The following PTPRB variants were observed in gnomAD, a reference collection of about 807,000 sequenced individuals.
The protein encoded by PTPRB is receptor-type tyrosine-protein phosphatase beta.
PTPRB carries 97 observed loss-of-function variants against 238.1 expected under a neutral mutation model. That is an observed-to-expected ratio of 0.41 (90% CI 0.35 to 0.48). PTPRB has a LOEUF of 0.48. Ranked by LOEUF, PTPRB falls within the 20% of genes least tolerant of loss-of-function variation. The probability of loss-of-function intolerance (pLI) is 0.30; values close to 1 mark genes in which losing one functional copy is unlikely to be tolerated. For missense variants in PTPRB, 2,292 were observed against 2,681.9 expected (o/e 0.85, Z 3.21); for synonymous variants, 970 against 995.4 (o/e 0.97, Z 0.48).
chr12:70,530,432 TATAC>T (rs2136218365), intron 32 of PTPRB, among the ~76,000 whole-genome samples: 1 of 152,292 alleles, frequency 6.6e-6, no homozygotes, highest in East Asian at 1.9e-4. Context: ...CATATAGGTG[TATAC>T]ATATACACAT....
chr12:70,580,968 T>C, intron 10 of PTPRB, 68 bp downstream of exon 10: 8 of 1,494,926 alleles, frequency 5.4e-6, no homozygotes, highest in South Asian at 1.3e-5. Context: ...ATTTCTATAA[T>C]ATTCTGATTA....
At chr12:70,566,337 C>CT in intron 15 of PTPRB, 98 bp downstream of exon 15, 1 of 1,395,108 alleles carries the variant, frequency 7.2e-7, no homozygotes, top group Non-Finnish European at 9.6e-7. Context: ...AGATAGATAT[C>CT]ATCTCCCAAT....
chr12:70,629,822 A>G (rs890845502), intron 2 of PTPRB, among the ~76,000 whole-genome samples: 2 of 152,232 alleles, frequency 1.3e-5, no homozygotes, highest in African/African-American at 4.8e-5. Flanking sequence ...AAACACCTCT[A>G]TGCAAATAAA....
At position 70,635,972 on chromosome 12, in the gene PTPRB, C is replaced by T. The variant is rs1885669118; in HGVS notation, c.150G>A (p.Gln50=). The part of the protein sequence containing the change: ...VGSCNRTIQN[Q]QWMWTEDEKL... Reference sequence around the variant, plus strand: ...TTTCATCCTCAGTCCACATCCACTGCTGGTTCTGGATGGTCCTGTTGCATG... The same window carrying T: ...TTTCATCCTCAGTCCACATCCACTGTTGGTTCTGGATGGTCCTGTTGCATG... The change falls in exon 2 of 34, where the codon CAG becomes CAA. Residue 50 remains glutamine, a synonymous_variant. Transcript: ENST00000334414. 1.2e-5 allele frequency: 19 copies of T among 1,613,614 alleles called. No homozygotes were observed. The highest frequency in any genetic ancestry group is 1.7e-4 in the Middle Eastern group (1 of 6,060).
At chr12:70,557,927 T>C (rs1877944374) in intron 18 of PTPRB, among the ~76,000 whole-genome samples, 1 of 152,204 alleles carries the variant, frequency 6.6e-6, no homozygotes, top group South Asian at 2.1e-4. Flanking sequence ...CTGCCCTCCA[T>C]TGGCTGCTGG....
chr12:70,516,300 A>G lies in PTPRB; in HGVS notation c.*5189T>C, dbSNP rs1468131409. 4 of 152,232 alleles carry G rather than the reference A, an allele frequency of 2.6e-5. No individual in the cohort carries two copies. The highest frequency in any genetic ancestry group is 5.9e-5 in the Non-Finnish European group (4 of 68,042). The allele number at this position is 152,232 out of a possible 1,614,324, so 9.4% of individuals were successfully genotyped here. ...AGGAGCAATTTCAAGAAGTGTGTGT[A>G]GAATGTCTATGAGCTGTGCACTAAT... On this transcript the variant is annotated 3_prime_UTR_variant, in exon 34 of 34. Coordinates refer to ENST00000334414, the MANE Select transcript of PTPRB (RefSeq NM_001109754.4).
Position 70,568,343 on chromosome 12 carries a change from G to C in PTPRB, c.3634+1332C>G, listed in dbSNP as rs973678786. On this transcript the variant is annotated intron_variant, in intron 14 of 33. Coordinates refer to ENST00000334414, the MANE Select transcript of PTPRB (RefSeq NM_001109754.4). ...AGACAGAGTCTCACTCTGTCACCAA[G>C]CTGGAGTGCAGTGGCATGATCTCAG... Among the ~76,000 whole-genome samples, 5 of 152,256 alleles carry C rather than the reference G, an allele frequency of 3.3e-5. No individual in the cohort carries two copies. The East Asian group carries it at 9.7e-4, about 29-fold the overall frequency.
chr12:70,599,663 T>C (rs1457321294), intron 4 of PTPRB, among the ~76,000 whole-genome samples: 1 of 152,172 alleles, frequency 6.6e-6, no homozygotes, highest in African/African-American at 2.4e-5. Context: ...TTGTATATAC[T>C]TGAATAAATC....
chr12:70,596,462 T>A, intron 4 of PTPRB, 135 bp from the exon 5 acceptor site: 1 of 1,021,744 alleles, frequency 9.8e-7, no homozygotes, highest in Non-Finnish European at 1.3e-6. Context: ...AAAAATCTGT[T>A]ATTTGTGAAA....
chr12:70,586,146 C>A (rs1024267906), intron 9 of PTPRB, among the ~76,000 whole-genome samples: 30 of 152,102 alleles, frequency 2.0e-4, no homozygotes, highest in Admixed American at 7.2e-4. Flanking sequence ...GATTTATAAT[C>A]TTTTGGGTAT....
intron 10 of PTPRB, among the ~76,000 whole-genome samples, chr12:70,578,386 A>C (rs1013773487): frequency 1.3e-5 from 2 of 152,024 alleles, no homozygotes; most frequent in African/African-American, 4.8e-5. Context: ...ATTTACTAAA[A>C]GAGGCACCTT....
At chr12:70,540,820 G>A in intron 23 of PTPRB, 38 bp downstream of exon 23, 2 of 1,461,578 alleles carry the variant, frequency 1.4e-6, no homozygotes, top group Non-Finnish European at 1.9e-6. Context: ...CATTTTTAAA[G>A]TTGTGGGTCC....
At chr12:70,524,943 A>G (rs893516186) in intron 32 of PTPRB, among the ~76,000 whole-genome samples, 1 of 147,236 alleles carries the variant, frequency 6.8e-6, no homozygotes, top group African/African-American at 2.6e-5. Flanking sequence ...ATGTATGTAT[A>G]TATATGTGTA....
intron 33 of PTPRB, 99 bp from the exon 34 acceptor site, chr12:70,521,610 A>T: frequency 9.5e-7 from 1 of 1,047,712 alleles, no homozygotes; most frequent in Non-Finnish European, 1.3e-6. Flanking sequence ...CAGCAGAAAC[A>T]TATAGCTCAA....
At chr12:70,631,366 G>C (rs1885443597) in intron 2 of PTPRB, among the ~76,000 whole-genome samples, 1 of 152,154 alleles carries the variant, frequency 6.6e-6, no homozygotes, top group Non-Finnish European at 1.5e-5. Flanking sequence ...TGGGAAAACT[G>C]GCTAGCCATA....
At chr12:70,620,816 G>A (rs1291490507) in intron 3 of PTPRB, among the ~76,000 whole-genome samples, 1 of 152,184 alleles carries the variant, frequency 6.6e-6, no homozygotes, top group Non-Finnish European at 1.5e-5. Context: ...CATGGACATA[G>A]AATGTGGATT....
rs956631792 is a variant in PTPRB, at chr12:70,592,503, C to T, written c.1559G>A (p.Ser520Asn). ...VSNLKVTNDG[S>N]LTSLKVKWQR... ...CCATTTGACTTTTAGAGAGGTCAAA[C>T]TGCCATCATTTGTCACCTTCAGATT... Residue 520 changes from serine to asparagine, a missense_variant, in exon 7 of 34, where the codon AGT becomes AAT. Around this residue, in one of 4 missense-constraint regions of PTPRB, gnomAD observed 1,205 missense variants for 1,287.8 expected, o/e 0.94. Transcript: ENST00000334414. 11 of 1,613,732 alleles carry T rather than the reference C, an allele frequency of 6.8e-6. No homozygotes were observed. The highest frequency in any genetic ancestry group is 8.5e-6 in the Non-Finnish European group (10 of 1,179,824).
chr12:70,626,552 T>G (rs997210539), intron 2 of PTPRB, among the ~76,000 whole-genome samples: 1 of 152,056 alleles, frequency 6.6e-6, no homozygotes, highest in African/African-American at 2.4e-5. Flanking sequence ...CATTTTTTCC[T>G]TGTCATTATT....
intron 15 of PTPRB, among the ~76,000 whole-genome samples, chr12:70,565,980 A>G (rs558196130): frequency 6.6e-6 from 1 of 152,240 alleles, no homozygotes; most frequent in South Asian, 2.1e-4. Context: ...GAGCAATGTC[A>G]CTGTTGGGAG....
Sources: gnomAD v4.1 joint callset for allele counts (sites outside exome capture counted in the v4.1 genomes callset) on GRCh38, gnomAD v4.1.1 for gene constraint, gnomAD v4.1.1 regional missense constraint, MANE v1.5 for transcripts, NCBI Gene and HGNC (gene_info 2026-07-23, HGNC 2026-07-21) for gene names.